SGCZ: variants seen among roughly 807,000 people sequenced by gnomAD.
The protein encoded by SGCZ is zeta-sarcoglycan.
A neutral mutation model predicts 41.3 loss-of-function variants in SGCZ; 40 were observed. The ratio of observed to expected loss-of-function variants is 0.97; its 90% CI spans 0.75 to 1.26. The LOEUF is 1.26. SGCZ is among the 50% of genes most tolerant of loss of function. The pLI is 0.00. For synonymous variants in SGCZ, 206 were observed against 137.5 expected (o/e 1.50, Z -3.49); for missense variants, 552 against 369.8 (o/e 1.49, Z -4.04).
rs375661231 is a variant in SGCZ at position 14,807,702 on chromosome 8, C to A, written c.40-252776G>T. Reference sequence around the variant, plus strand: ...TGCCATCCCCATCAAGCTACCAATGCCTTTCTTCACAGAATTGGAAAAAAC... The same window carrying A: ...TGCCATCCCCATCAAGCTACCAATGACTTTCTTCACAGAATTGGAAAAAAC... On this transcript the variant is annotated intron_variant, in intron 1 of 7. Coordinates refer to ENST00000382080, the MANE Select transcript of SGCZ (RefSeq NM_139167.4). Among the ~76,000 whole-genome samples the A allele has an allele frequency of 7.9e-5, 12 of 151,740 alleles. No individual in the cohort carries two copies. The East Asian group carries it at 1.6e-3, about 20-fold the overall frequency.
At chr8:14,663,612 T>A (rs1347239252) in intron 1 of SGCZ, among the ~76,000 whole-genome samples, 2 of 152,166 alleles carry the variant, frequency 1.3e-5, no homozygotes, top group Non-Finnish European at 2.9e-5. Context: ...TTAAATAGCA[T>A]TTAGACCAGC....
At chr8:15,004,644 T>G (rs7837047) in intron 1 of SGCZ, among the ~76,000 whole-genome samples, 59,441 of 151,790 alleles carry the variant, frequency 0.39, 12,850 homozygotes, top group Non-Finnish European at 0.48. Context: ...TCTCCCATTT[T>G]CCTTCAGTAA....
At chr8:15,099,803 A>G (rs921718201) in intron 1 of SGCZ, among the ~76,000 whole-genome samples, 2 of 152,214 alleles carry the variant, frequency 1.3e-5, no homozygotes, top group African/African-American at 4.8e-5. Context: ...CAACATTGAA[A>G]AATAAATTAA....
At chr8:14,526,762 C>A (rs1363489335) in intron 2 of SGCZ, among the ~76,000 whole-genome samples, 2 of 152,040 alleles carry the variant, frequency 1.3e-5, no homozygotes, top group Non-Finnish European at 2.9e-5. Flanking sequence ...CTTCATTCTT[C>A]TGCAGAGGTT....
At chr8:14,805,729 C>T (rs1318946324) in intron 1 of SGCZ, among the ~76,000 whole-genome samples, 6 of 152,062 alleles carry the variant, frequency 3.9e-5, no homozygotes, top group African/African-American at 7.2e-5. Context: ...ACCAAGCGGA[C>T]GTAATAGACA....
chr8:14,214,979 A>G (rs1805944836), intron 4 of SGCZ, among the ~76,000 whole-genome samples: 1 of 152,256 alleles, frequency 6.6e-6, no homozygotes, highest in South Asian at 2.1e-4. Context: ...AAAATTAGCA[A>G]GACAGAGAAA....
At chr8:15,131,565 C>G (rs1807901589) in intron 1 of SGCZ, among the ~76,000 whole-genome samples, 1 of 152,080 alleles carries the variant, frequency 6.6e-6, no homozygotes, top group South Asian at 2.1e-4. Flanking sequence ...ATTTTTATGT[C>G]CAAATAAAGT....
intron 1 of SGCZ, among the ~76,000 whole-genome samples, chr8:14,795,443 G>C (rs1034224522): frequency 6.6e-6 from 1 of 150,986 alleles, no homozygotes; most frequent in African/African-American, 2.4e-5. Flanking sequence ...TTTTTCATTT[G>C]TTTGTTTTTG....
At chr8:14,940,213 T>C (rs1800223984) in intron 1 of SGCZ, among the ~76,000 whole-genome samples, 1 of 152,112 alleles carries the variant, frequency 6.6e-6, no homozygotes, top group Non-Finnish European at 1.5e-5. Flanking sequence ...AGCCCAGAGA[T>C]ATCCTGAAAT....
chr8:14,790,043 G>A (rs989080485), intron 1 of SGCZ, among the ~76,000 whole-genome samples: 4 of 152,026 alleles, frequency 2.6e-5, no homozygotes, highest in African/African-American at 9.7e-5. Flanking sequence ...TAAATCTTCA[G>A]TGGTCATATC....
chr8:14,160,537 C>A (rs1311588177), intron 5 of SGCZ, among the ~76,000 whole-genome samples: 2 of 152,106 alleles, frequency 1.3e-5, no homozygotes, highest in Non-Finnish European at 1.5e-5. Context: ...CCTATATATT[C>A]AGTGATACAG....
At chr8:14,787,285 T>C (rs1800798835) in intron 1 of SGCZ, among the ~76,000 whole-genome samples, 1 of 152,008 alleles carries the variant, frequency 6.6e-6, no homozygotes, top group African/African-American at 2.4e-5. Flanking sequence ...CAATAAGTAA[T>C]AACTTAGAGT....
At position 14,732,028 on chromosome 8, in the gene SGCZ, C is replaced by T. The variant is rs141778470; in HGVS notation, c.40-177102G>A. ...AGTTAAAAGGAATCTCAATCCTAACCGTGATTCAAGTACAACTTGTTGAGC... is the reference window on the plus strand; with the variant it reads ...AGTTAAAAGGAATCTCAATCCTAACTGTGATTCAAGTACAACTTGTTGAGC... On this transcript the variant is annotated intron_variant, in intron 1 of 7. Coordinates refer to ENST00000382080, the MANE Select transcript of SGCZ (RefSeq NM_139167.4). Among the ~76,000 whole-genome samples the T allele has an allele frequency of 2.4e-3, 364 of 152,260 alleles. 4 individuals are homozygous for T. Among genetic ancestry groups the T allele is most frequent in the African/African-American group, 8.1e-3 (336 of 41,562 alleles).
At chr8:15,026,653 T>G (rs1171488960) in intron 1 of SGCZ, among the ~76,000 whole-genome samples, 1 of 152,172 alleles carries the variant, frequency 6.6e-6, no homozygotes, top group Non-Finnish European at 1.5e-5. Context: ...GCTTGAGAGA[T>G]TCATTGTCCA....
intron 1 of SGCZ, among the ~76,000 whole-genome samples, chr8:14,938,098 T>G (rs1460757784): frequency 2.0e-5 from 3 of 152,200 alleles, no homozygotes; most frequent in African/African-American, 7.2e-5. Flanking sequence ...TGATGCATAT[T>G]ATATTTGTAA....
chr8:15,002,107 A>AGTAAGACACATAGAGAT (rs1802446943), intron 1 of SGCZ, among the ~76,000 whole-genome samples: 1 of 152,118 alleles, frequency 6.6e-6, no homozygotes, highest in Non-Finnish European at 1.5e-5. Flanking sequence ...TAAAATGAGA[A>AGTAAGACACATAGAGAT]GTAAGACACA....
chr8:14,654,050 C>T lies in SGCZ; in HGVS notation c.40-99124G>A, dbSNP rs117272712. Among the ~76,000 whole-genome samples, 1,315 of 152,038 alleles carry T rather than the reference C, an allele frequency of 8.6e-3. 8 individuals are homozygous for T. Among genetic ancestry groups the T allele is most frequent in the South Asian group, 0.016 (78 of 4,816 alleles). On this transcript the variant is annotated intron_variant, in intron 1 of 7. Coordinates refer to ENST00000382080, the MANE Select transcript of SGCZ (RefSeq NM_139167.4). ...AATGCATGATGGAGCATATTATATT[C>T]GCAAAAGTTCCTGCCAAAATAATAA...
chr8:14,397,780 C>A (rs544669889), intron 2 of SGCZ, among the ~76,000 whole-genome samples: 5 of 152,206 alleles, frequency 3.3e-5, no homozygotes, highest in Admixed American at 6.6e-5. Context: ...CATCTGTCAC[C>A]AGCATCTTCA....
intron 1 of SGCZ, among the ~76,000 whole-genome samples, chr8:14,800,392 AT>A (rs1181969618): frequency 6.6e-6 from 1 of 152,176 alleles, no homozygotes; most frequent in Non-Finnish European, 1.5e-5. Flanking sequence ...CCATAAGTTT[AT>A]GTAAGGTGCA....
Sources: gnomAD v4.1 joint callset for allele counts (sites outside exome capture counted in the v4.1 genomes callset) on GRCh38, gnomAD v4.1.1 for gene constraint, MANE v1.5 for transcripts, NCBI Gene and HGNC (gene_info 2026-07-23, HGNC 2026-07-21) for gene names.